Variants in COL6A6 observed in about 807,000 individuals in gnomAD.
The protein encoded by COL6A6 is collagen alpha-6(VI) chain.
In COL6A6, 183 loss-of-function variants were observed where a neutral mutation model predicts 208.6. That is an observed-to-expected ratio of 0.88 (90% CI 0.78 to 0.99). The LOEUF is 0.99. Among genes scored for constraint, COL6A6 ranks in the 50% least tolerant of loss-of-function variants. The pLI, the probability that COL6A6 is intolerant of heterozygous loss-of-function variation, is 0.00. For synonymous variants in COL6A6, 973 were observed against 1,011.8 expected (o/e 0.96, Z 0.73); for missense variants, 2,816 against 2,815.2 (o/e 1.00, Z -0.01).
chr3:130,517,707 T>C (rs1041663492), intron 1 of COL6A6, among the ~76,000 whole-genome samples: 6 of 152,266 alleles, frequency 3.9e-5, no homozygotes, highest in African/African-American at 9.6e-5. Context: ...GGGCGCCTCC[T>C]GAGAGGTGCG....
intron 3 of COL6A6, among the ~76,000 whole-genome samples, chr3:130,564,687 A>G (rs919441964): frequency 6.6e-6 from 1 of 152,242 alleles, no homozygotes; most frequent in Non-Finnish European, 1.5e-5. Context: ...AGCAATGGCT[A>G]TGGTTCACTG....
intron 7 of COL6A6, among the ~76,000 whole-genome samples, chr3:130,573,170 A>G (rs964055574): frequency 8.5e-5 from 13 of 152,264 alleles, no homozygotes; most frequent in Admixed American, 3.3e-4. Flanking sequence ...CTAATGAACT[A>G]GAAAAATATT....
chr3:130,606,292 A>G (rs1157581324), intron 20 of COL6A6, among the ~76,000 whole-genome samples: 1 of 152,226 alleles, frequency 6.6e-6, no homozygotes, highest in Non-Finnish European at 1.5e-5. Flanking sequence ...CCCTACACTT[A>G]CATATGACAG....
Position 130,568,270 on chromosome 3 carries a change from A to G in COL6A6, c.2067A>G (p.Ile689Met), listed in dbSNP as rs757442600. ...CCCAAAGCGACATTTCAAATGCAAT[A>G]GACCAAATGGCTCACATTGGACAAA... ...FMSQSDISNA[I>M]DQMAHIGQTT... The change falls in exon 6 of 37, where the codon ATA becomes ATG. Residue 689 changes from isoleucine to methionine, a missense_variant. Physicochemically the swap from Ile to Met is conservative, Grantham distance 10 (BLOSUM62 1). Coordinates refer to ENST00000358511, the MANE Select transcript of COL6A6 (RefSeq NM_001102608.3). 1 of 1,613,932 alleles carries G rather than the reference A, an allele frequency of 6.2e-7. No homozygotes were observed. Among genetic ancestry groups the G allele is most frequent in the African/African-American group, 1.3e-5 (1 of 74,948 alleles).
intron 1 of COL6A6, among the ~76,000 whole-genome samples, chr3:130,545,452 A>ATT (rs58217937): frequency 1.5e-5 from 2 of 134,542 alleles, no homozygotes; most frequent in South Asian, 2.4e-4. Context: ...GCTTTCAGGC[A>ATT]TTTTTTTTTT....
rs769325649 is a variant in COL6A6, at chr3:130,563,572, G to T, written c.569G>T (p.Arg190Ile). 6.2e-7 allele frequency: 1 copy of T among 1,614,022 alleles called. No individual in the cohort carries two copies. Among genetic ancestry groups the T allele is most frequent in the East Asian group, 2.2e-5 (1 of 44,880 alleles). Residue 190 changes from arginine to isoleucine, a missense_variant, in exon 3 of 37, where the codon AGA becomes ATA. By Grantham distance (97) the Arg-to-Ile change is moderately conservative (BLOSUM62 -3). Transcript: ENST00000358511. ...TTTCATTTCAACCTTCGGACAGTCAGAGACCTCAGCATGTTTTCCCAAAAC... is the reference window on the plus strand; with the variant it reads ...TTTCATTTCAACCTTCGGACAGTCATAGACCTCAGCATGTTTTCCCAAAAC... ...SQFHFNLRTV[R>I]DLSMFSQNMT... is the part of the protein sequence containing the mutation.
chr3:130,625,578 G>A (rs1043065108), intron 24 of COL6A6, among the ~76,000 whole-genome samples: 4 of 152,138 alleles, frequency 2.6e-5, no homozygotes, highest in African/African-American at 9.7e-5. Context: ...CAGAAAAACA[G>A]CAATGGGGGA....
intron 20 of COL6A6, among the ~76,000 whole-genome samples, chr3:130,600,288 A>G (rs771487693): frequency 5.9e-5 from 9 of 152,246 alleles, no homozygotes; most frequent in Admixed American, 5.9e-4. Context: ...TAGTTCAACC[A>G]TTGTGGAAGA....
intron 21 of COL6A6, among the ~76,000 whole-genome samples, chr3:130,607,865 ATACCT>A (rs1439542657): frequency 4.6e-5 from 7 of 152,318 alleles, no homozygotes; most frequent in African/African-American, 1.7e-4. Context: ...CTGTAACAAA[ATACCT>A]TAAACTGGTA....
chr3:130,559,947 T>A (rs376102132), intron 1 of COL6A6, among the ~76,000 whole-genome samples: 2 of 152,226 alleles, frequency 1.3e-5, no homozygotes, highest in East Asian at 1.9e-4. Flanking sequence ...ATGGCGAGAT[T>A]ATGAAATAGG....
rs764377231 is a variant in COL6A6 at position 130,564,961 on chromosome 3, T to TA, written c.662-29dup. The stretch of plus-strand genomic sequence containing the variant: ...TCACCAAAGATGCTGAACCACCAGC[T>TA]AAAATTGTGCTTGTTTATTTCTTGC... On this transcript the variant is annotated intron_variant, in intron 3 of 36. Transcript: ENST00000358511. 3 of 1,598,490 alleles carry TA rather than the reference T, an allele frequency of 1.9e-6. No homozygotes were observed. In the African/African-American group the frequency reaches 4.0e-5, roughly 21 times the overall value.
intron 5 of COL6A6, among the ~76,000 whole-genome samples, chr3:130,567,689 C>G (rs1317227662): frequency 6.6e-6 from 1 of 152,098 alleles, no homozygotes; most frequent in Non-Finnish European, 1.5e-5. Context: ...TTGTCAACGC[C>G]TAGAGACATT....
At chr3:130,573,589 C>T (rs1335391542) in intron 7 of COL6A6, among the ~76,000 whole-genome samples, 15 of 112,312 alleles carry the variant, frequency 1.3e-4, no homozygotes, top group African/African-American at 3.1e-4. Context: ...TTTTTTGAGA[C>T]GGGGTCTTGC....
chr3:130,589,483 G>A (rs1316174378), intron 12 of COL6A6, among the ~76,000 whole-genome samples: 6 of 152,092 alleles, frequency 3.9e-5, no homozygotes, highest in Admixed American at 3.3e-4. Context: ...TCCTCATGTT[G>A]GATAATGAAA....
At chr3:130,516,804 C>T (rs986800129), upstream of COL6A6, among the ~76,000 whole-genome samples, 1 of 152,148 alleles carries the variant, frequency 6.6e-6, no homozygotes, top group Non-Finnish European at 1.5e-5. Flanking sequence ...TGCCAGAAGA[C>T]CCCAGAATAC....
chr3:130,554,954 G>A (rs2062734664), intron 1 of COL6A6, among the ~76,000 whole-genome samples: 1 of 152,108 alleles, frequency 6.6e-6, no homozygotes, highest in Non-Finnish European at 1.5e-5. Context: ...TACCCCAGTT[G>A]GGCAGCCAGG....
intron 10 of COL6A6, among the ~76,000 whole-genome samples, chr3:130,582,429 C>G (rs948010691): frequency 6.6e-6 from 1 of 152,116 alleles, no homozygotes; most frequent in Non-Finnish European, 1.5e-5. Flanking sequence ...TTCTCCTTGA[C>G]CAGGGAATGA....
At chr3:130,662,351 C>T (rs1266833834) in intron 35 of COL6A6, 43 bp downstream of exon 35, 1 of 1,538,696 alleles carries the variant, frequency 6.5e-7, no homozygotes, top group South Asian at 1.2e-5. Flanking sequence ...TAAGAATATA[C>T]TTGGTATTAC....
At chr3:130,610,188 T>C (rs1277238162) in intron 22 of COL6A6, among the ~76,000 whole-genome samples, 3 of 152,148 alleles carry the variant, frequency 2.0e-5, no homozygotes, top group Admixed American at 6.6e-5. Flanking sequence ...CCACAGCTAA[T>C]AGGCAGTATA....
Sources: gnomAD v4.1 joint callset for allele counts (sites outside exome capture counted in the v4.1 genomes callset) on GRCh38, gnomAD v4.1.1 for gene constraint, MANE v1.5 for transcripts, NCBI Gene and HGNC (gene_info 2026-07-23, HGNC 2026-07-21) for gene names.